The following CNTNAP2 variants were observed in gnomAD, a reference collection of about 807,000 sequenced individuals.
CNTNAP2 encodes contactin-associated protein-like 2.
In CNTNAP2, 98 loss-of-function variants were observed where a neutral mutation model predicts 155.2. The observed-to-expected ratio is 0.63, with a 90% CI of 0.54 to 0.75. CNTNAP2 has a LOEUF of 0.75. Ranked by LOEUF, CNTNAP2 falls within the 30% of genes least tolerant of loss-of-function variation. The probability of loss-of-function intolerance (pLI) is 0.00; values close to 1 mark genes in which losing one functional copy is unlikely to be tolerated. For missense variants in CNTNAP2, 1,727 were observed against 1,688.1 expected (o/e 1.02, Z -0.40); for synonymous variants, 651 against 631.2 (o/e 1.03, Z -0.47).
intron 12 of CNTNAP2, among the ~76,000 whole-genome samples, chr7:147,566,335 G>GAGGGGGAGGGGAAAGGA (rs1018531990): frequency 7.9e-6 from 1 of 126,996 alleles, no homozygotes; most frequent in African/African-American, 3.0e-5. Context: ...GGGGTAGAGG[G>GAGGGGGAGGGGAAAGGA]AGGGGGAGGG....
At chr7:146,910,937 A>G (rs180852282) in intron 3 of CNTNAP2, among the ~76,000 whole-genome samples, 8 of 151,352 alleles carry the variant, frequency 5.3e-5, no homozygotes, top group Middle Eastern at 3.4e-3. Flanking sequence ...AGAATCTGCA[A>G]TGAACTCAAA....
intron 11 of CNTNAP2, among the ~76,000 whole-genome samples, chr7:147,512,627 CTTAT>C (rs1252127867): frequency 6.6e-6 from 1 of 152,082 alleles, no homozygotes; most frequent in African/African-American, 2.4e-5. Flanking sequence ...AAGTTTTATT[CTTAT>C]TTAAAGAACC....
intron 4 of CNTNAP2, among the ~76,000 whole-genome samples, chr7:147,106,058 A>C (rs1800759097): frequency 6.6e-6 from 1 of 152,104 alleles, no homozygotes; most frequent in Admixed American, 6.6e-5. Flanking sequence ...GTTTTGATTT[A>C]GAAGAAAGTA....
intron 3 of CNTNAP2, among the ~76,000 whole-genome samples, chr7:146,964,408 T>C (rs1195755920): frequency 6.6e-6 from 1 of 152,218 alleles, no homozygotes; most frequent in Admixed American, 6.5e-5. Flanking sequence ...GATGTCTTAA[T>C]AGAAGACAGT....
At chr7:148,067,963 C>G (rs1262650161) in intron 15 of CNTNAP2, among the ~76,000 whole-genome samples, 1 of 152,056 alleles carries the variant, frequency 6.6e-6, no homozygotes. Flanking sequence ...ACTCACTTCC[C>G]ACACAGCCAG....
At chr7:147,337,213 A>T (rs997553637) in intron 9 of CNTNAP2, among the ~76,000 whole-genome samples, 1 of 152,224 alleles carries the variant, frequency 6.6e-6, no homozygotes, top group Admixed American at 6.5e-5. Context: ...GTTAGGATGT[A>T]TGGTGAGCCA....
At chr7:147,971,449 G>A (rs541940374) in intron 14 of CNTNAP2, among the ~76,000 whole-genome samples, 22 of 151,486 alleles carry the variant, frequency 1.5e-4, no homozygotes, top group East Asian at 3.9e-4. Flanking sequence ...TACGATTCCC[G>A]GTTACCATGA....
chr7:147,973,442 T>A (rs990500292), intron 14 of CNTNAP2, among the ~76,000 whole-genome samples: 3 of 152,208 alleles, frequency 2.0e-5, no homozygotes, highest in African/African-American at 7.2e-5. Flanking sequence ...GTAAGGAATA[T>A]CTGAGTGTTA....
chr7:147,982,188 G>C (rs1458641170), intron 15 of CNTNAP2, among the ~76,000 whole-genome samples: 1 of 152,110 alleles, frequency 6.6e-6, no homozygotes, highest in Non-Finnish European at 1.5e-5. Flanking sequence ...TATAGTATTT[G>C]CTAGACAATT....
At chr7:148,267,160 CTACAAA>C in intron 21 of CNTNAP2, 34 bp downstream of exon 21, 1 of 1,534,584 alleles carries the variant, frequency 6.5e-7, no homozygotes, top group Non-Finnish European at 9.0e-7. Flanking sequence ...TAAATGCGTG[CTACAAA>C]TACATTTGGG....
chr7:147,985,459 A>G (rs995052653), intron 15 of CNTNAP2, among the ~76,000 whole-genome samples: 6 of 120,854 alleles, frequency 5.0e-5, no homozygotes, highest in Non-Finnish European at 9.6e-5. Context: ...GGAAGATTCC[A>G]TTGGCTCTTA....
chr7:146,932,734 CAA>C (rs1585165862), intron 3 of CNTNAP2, among the ~76,000 whole-genome samples: 1 of 152,150 alleles, frequency 6.6e-6, no homozygotes, highest in East Asian at 1.9e-4. Flanking sequence ...GCAACTTCAG[CAA>C]AGTCTCAGGA....
intron 1 of CNTNAP2, among the ~76,000 whole-genome samples, chr7:146,124,128 T>C (rs575457810): frequency 6.6e-6 from 1 of 152,168 alleles, no homozygotes; most frequent in Admixed American, 6.6e-5. Context: ...GGGATAGCAT[T>C]AGGAGAAATA....
rs547181224 is a variant in CNTNAP2, at chr7:146,275,378, G to C, written c.97+158405G>C. Among the ~76,000 whole-genome samples, 308 of 152,180 alleles carry C rather than the reference G, an allele frequency of 2.0e-3. 3 individuals are homozygous for C. The highest frequency in any genetic ancestry group is 7.0e-3 in the African/African-American group (290 of 41,540). On this transcript the variant is annotated intron_variant, in intron 1 of 23. Coordinates refer to ENST00000361727, the MANE Select transcript of CNTNAP2 (RefSeq NM_014141.6). ...ACCCAGATCTTCTGACTCCGAATAA[G>C]TTTTTAAAATAGTATTTCTTATTCA...
rs1365672448 is a variant in CNTNAP2, at chr7:147,014,415, G to A, written c.403-29492G>A. On this transcript the variant is annotated intron_variant, in intron 3 of 23. Coordinates refer to ENST00000361727, the MANE Select transcript of CNTNAP2 (RefSeq NM_014141.6). ...TTTATCCACTGGTGTAATATCTTAC[G>A]TTTTATCAGTAACCATGGAAATGTT... 2.6e-5 allele frequency among the ~76,000 whole-genome samples: 4 copies of A among 152,012 alleles called. No individual in the cohort carries two copies. In the East Asian group the frequency reaches 5.8e-4, roughly 22 times the overall value.
intron 1 of CNTNAP2, among the ~76,000 whole-genome samples, chr7:146,410,573 T>G (rs1225941857): frequency 6.6e-6 from 1 of 152,154 alleles, no homozygotes; most frequent in Non-Finnish European, 1.5e-5. Flanking sequence ...TCATGGGAGT[T>G]TGTTGTACAG....
chr7:147,807,322 C>CAAAAAAAAAAAAA (rs768465391), intron 13 of CNTNAP2, among the ~76,000 whole-genome samples: 3 of 64,776 alleles, frequency 4.6e-5, no homozygotes, highest in Non-Finnish European at 8.3e-5. Context: ...GTCCTTGACT[C>CAAAAAAAAAAAAA]AAAAAAAAAA....
chr7:146,871,378 A>C (rs1795303444), intron 3 of CNTNAP2, among the ~76,000 whole-genome samples: 1 of 151,996 alleles, frequency 6.6e-6, no homozygotes, highest in Non-Finnish European at 1.5e-5. Flanking sequence ...TAAAATACAA[A>C]AATAAGGCGA....
At chr7:148,224,641 A>G (rs1178873964) in intron 19 of CNTNAP2, among the ~76,000 whole-genome samples, 1 of 152,238 alleles carries the variant, frequency 6.6e-6, no homozygotes, top group Non-Finnish European at 1.5e-5. Context: ...ATGGGGAAGA[A>G]GACGGTACAG....
Sources: allele counts gnomAD v4.1 joint callset (sites outside exome capture counted in the v4.1 genomes callset), GRCh38; gene constraint gnomAD v4.1.1; transcripts MANE v1.5; gene names NCBI Gene and HGNC (gene_info 2026-07-23, HGNC 2026-07-21).